VEGFC: variants seen among roughly 807,000 people sequenced by gnomAD.
VEGFC encodes vascular endothelial growth factor C.
Under a neutral mutation model 46.1 loss-of-function variants are expected in VEGFC, and 12 were observed. The ratio of observed to expected loss-of-function variants is 0.26; its 90% CI spans 0.17 to 0.42. The LOEUF (loss-of-function observed/expected upper bound fraction) is 0.42. Among genes scored for constraint, VEGFC ranks in the 10% least tolerant of loss-of-function variants. The pLI, the probability that VEGFC is intolerant of heterozygous loss-of-function variation, is 1.00. For synonymous variants in VEGFC, 232 were observed against 195.5 expected (o/e 1.19, Z -1.56); for missense variants, 488 against 529.4 (o/e 0.92, Z 0.77).
chr4:176,759,901 T>A (rs1201201671), intron 1 of VEGFC, among the ~76,000 whole-genome samples: 13 of 152,060 alleles, frequency 8.5e-5, no homozygotes, highest in Non-Finnish European at 1.5e-4. Flanking sequence ...AAAATATTTT[T>A]AAAAATTTAA....
chr4:176,740,352 T>A (rs1463973992), intron 1 of VEGFC, among the ~76,000 whole-genome samples: 16 of 120,720 alleles, frequency 1.3e-4, no homozygotes, highest in African/African-American at 4.4e-4. Flanking sequence ...TATATTTATA[T>A]ATAGTTATAT....
chr4:176,767,123 T>TAAAAAAAAAAAA (rs70964805), intron 1 of VEGFC, among the ~76,000 whole-genome samples: 18 of 50,364 alleles, frequency 3.6e-4, no homozygotes, highest in East Asian at 7.8e-4. Flanking sequence ...TGTAGAAATC[T>TAAAAAAAAAAAA]AAAAAAAAAA....
At chr4:176,715,186 T>TC (rs1734677581) in intron 3 of VEGFC, among the ~76,000 whole-genome samples, 1 of 152,190 alleles carries the variant, frequency 6.6e-6, no homozygotes, top group African/African-American at 2.4e-5. Flanking sequence ...GTCTCATTTC[T>TC]CTTTTTTGTG....
chr4:176,754,204 GA>G (rs2110899351), intron 1 of VEGFC, among the ~76,000 whole-genome samples: 1 of 151,538 alleles, frequency 6.6e-6, no homozygotes, highest in African/African-American at 2.4e-5. Context: ...ATACTGCTAT[GA>G]CCTTTAAAAC....
intron 3 of VEGFC, among the ~76,000 whole-genome samples, chr4:176,714,317 C>T (rs1007811720): frequency 1.3e-5 from 2 of 152,140 alleles, no homozygotes; most frequent in Non-Finnish European, 2.9e-5. Context: ...CTCTCTTGCT[C>T]ACACTCTGGC....
chr4:176,696,442 T>C (rs1436711055), intron 4 of VEGFC, among the ~76,000 whole-genome samples: 1 of 144,184 alleles, frequency 6.9e-6, no homozygotes, highest in Non-Finnish European at 1.5e-5. Flanking sequence ...GTGAAGGACC[T>C]CTTCAAGGAG....
At chr4:176,719,226 C>T (rs957107342) in intron 3 of VEGFC, among the ~76,000 whole-genome samples, 1 of 152,142 alleles carries the variant, frequency 6.6e-6, no homozygotes, top group Non-Finnish European at 1.5e-5. Context: ...GTACATTGTC[C>T]TTACAATTTA....
At chr4:176,724,754 C>A (rs1309626311) in intron 3 of VEGFC, among the ~76,000 whole-genome samples, 1 of 152,112 alleles carries the variant, frequency 6.6e-6, no homozygotes, top group African/African-American at 2.4e-5. Context: ...GATCAAGAAT[C>A]ATTACATTAG....
intron 4 of VEGFC, among the ~76,000 whole-genome samples, chr4:176,690,105 AC>A (rs779177969): frequency 7.3e-4 from 111 of 152,326 alleles, no homozygotes; most frequent in Non-Finnish European, 1.2e-3. Context: ...AATCCAATTA[AC>A]ATTACTGGAT....
intron 1 of VEGFC, among the ~76,000 whole-genome samples, chr4:176,763,712 A>C (rs1026343729): frequency 1.3e-5 from 2 of 152,320 alleles, no homozygotes; most frequent in East Asian, 3.9e-4. Flanking sequence ...TCAGAAATGC[A>C]TGATTTAACC....
At position 176,687,400 on chromosome 4, in the gene VEGFC, T is replaced by C. The variant is rs766634395; in HGVS notation, c.932A>G (p.Asp311Gly). ...PASCGPHKEL[D>G]RNSCQCVCKN... ...ACAGACACACTGGCATGAGTTTCTG[T>C]CTAGTTCTTTGTGGGGTCCACAGCT... The change falls in exon 6 of 7, where the codon GAC (aspartate) becomes GGC (glycine). Residue 311 changes from aspartate (D) to glycine (G), a missense_variant. Coordinates refer to ENST00000618562, the MANE Select transcript of VEGFC (RefSeq NM_005429.5). 2 of 1,614,180 alleles carry C rather than the reference T, an allele frequency of 1.2e-6. No individual in the cohort carries two copies. Among genetic ancestry groups the C allele is most frequent in the East Asian group, 2.2e-5 (1 of 44,870 alleles).
At chr4:176,788,323 G>A (rs1013942203) in intron 1 of VEGFC, among the ~76,000 whole-genome samples, 13 of 152,216 alleles carry the variant, frequency 8.5e-5, no homozygotes, top group African/African-American at 3.1e-4. Context: ...GTCCCGTTGT[G>A]GGGAATTAGG....
chr4:176,727,423 T>C (rs1734889215), intron 3 of VEGFC, among the ~76,000 whole-genome samples: 1 of 152,180 alleles, frequency 6.6e-6, no homozygotes. Flanking sequence ...AACTCACCCA[T>C]TTAAAAGTAT....
At chr4:176,785,636 C>G (rs1201308203) in intron 1 of VEGFC, among the ~76,000 whole-genome samples, 3 of 151,610 alleles carry the variant, frequency 2.0e-5, no homozygotes, top group African/African-American at 7.3e-5. Flanking sequence ...CTCTCCTTCT[C>G]TTTTTTTTCA....
intron 1 of VEGFC, among the ~76,000 whole-genome samples, chr4:176,759,975 A>G (rs1395508280): frequency 6.6e-6 from 1 of 152,008 alleles, no homozygotes; most frequent in Non-Finnish European, 1.5e-5. Flanking sequence ...ATGTAAAGAA[A>G]TAAGTGTTTT....
chr4:176,738,550 CT>C (rs1173175541), intron 1 of VEGFC, among the ~76,000 whole-genome samples: 1 of 151,936 alleles, frequency 6.6e-6, no homozygotes, highest in Non-Finnish European at 1.5e-5. Context: ...CAAAAATTAA[CT>C]CAAGATGGAT....
rs79273528 is a variant in VEGFC at position 176,767,968 on chromosome 4, T to C, written c.147+24197A>G. 6.6e-3 allele frequency among the ~76,000 whole-genome samples: 1,008 copies of C among 152,172 alleles called. 6 individuals carry two copies. Among genetic ancestry groups the C allele is most frequent in the African/African-American group, 0.023 (945 of 41,506 alleles). On this transcript the variant is annotated intron_variant, in intron 1 of 6. Coordinates refer to ENST00000618562, the MANE Select transcript of VEGFC (RefSeq NM_005429.5). ...ATTTTTGAAGACACAGCCAAGAGGA[T>C]TGGATTCCCTGATGAGTCTGAATGT...
chr4:176,726,764 T>C (rs978766291), intron 3 of VEGFC, among the ~76,000 whole-genome samples: 2 of 152,366 alleles, frequency 1.3e-5, no homozygotes, highest in East Asian at 3.9e-4. Context: ...CTGAAAACCA[T>C]GTAGATCAGC....
At chr4:176,748,915 G>T (rs150850711) in intron 1 of VEGFC, among the ~76,000 whole-genome samples, 2 of 151,794 alleles carry the variant, frequency 1.3e-5, no homozygotes, top group Admixed American at 6.6e-5. Context: ...AACTACAAAA[G>T]ACTGTTGGAA....
Sources: allele counts gnomAD v4.1 joint callset (sites outside exome capture counted in the v4.1 genomes callset), GRCh38; gene constraint gnomAD v4.1.1; transcripts MANE v1.5; gene names NCBI Gene and HGNC (gene_info 2026-07-23, HGNC 2026-07-21).